RIN3: variants seen among roughly 807,000 people sequenced by gnomAD.
RIN3 encodes the protein Ras and Rab interactor 3, also known as RAB5 interacting protein 3.
A neutral mutation model predicts 76.3 loss-of-function variants in RIN3; 54 were observed. The ratio of observed to expected loss-of-function variants is 0.71; its 90% confidence interval spans 0.57 to 0.89. RIN3 has a LOEUF of 0.89. Ranked by LOEUF, RIN3 falls within the 40% of genes least tolerant of loss-of-function variation. The pLI, the probability that RIN3 is intolerant of heterozygous loss-of-function variation, is 0.00. For missense variants in RIN3, 1,256 were observed against 1,322.1 expected (o/e 0.95, Z 0.78); for synonymous variants, 576 against 564.0 (o/e 1.02, Z -0.30).
At chr14:92,538,463 G>T (rs1897060083) in intron 1 of RIN3, among the ~76,000 whole-genome samples, 1 of 152,162 alleles carries the variant, frequency 6.6e-6, no homozygotes, top group African/African-American at 2.4e-5. Flanking sequence ...GCACACTGTG[G>T]TAGATGGGCC....
At chr14:92,592,969 C>T (rs927747340) in intron 3 of RIN3, among the ~76,000 whole-genome samples, 1 of 151,860 alleles carries the variant, frequency 6.6e-6, no homozygotes, top group African/African-American at 2.4e-5. Context: ...CCACCATACC[C>T]AGCCAAAATT....
chr14:92,517,862 G>A (rs1896484875), intron 1 of RIN3, among the ~76,000 whole-genome samples: 1 of 152,200 alleles, frequency 6.6e-6, no homozygotes, highest in Non-Finnish European at 1.5e-5. Context: ...GGACTCTCAG[G>A]CCAGGCAGGG....
intron 2 of RIN3, among the ~76,000 whole-genome samples, chr14:92,574,857 C>CCTCT (rs1393589840): frequency 6.6e-6 from 1 of 152,078 alleles, no homozygotes; most frequent in African/African-American, 2.4e-5. Flanking sequence ...TCAGGGCCAC[C>CCTCT]CTCTGTAAGC....
In RIN3 at chr14:92,531,679, G is replaced by T. The variant is rs565834301; in HGVS notation, c.44+17703G>T. Among the ~76,000 whole-genome samples, 9 of 152,280 alleles carry T rather than the reference G, an allele frequency of 5.9e-5. No homozygotes were observed. In the South Asian group the frequency reaches 1.9e-3, roughly 32 times the overall value. On this transcript the variant is annotated intron_variant, in intron 1 of 9. Transcript: ENST00000216487. ...GGTGACTCAGTGTCACCAGGGGGTGGGAGCAATGTGACGCTGTGTAGTTTC... is the reference window on the plus strand; with the variant it reads ...GGTGACTCAGTGTCACCAGGGGGTGTGAGCAATGTGACGCTGTGTAGTTTC...
At chr14:92,566,326 C>T (rs1595420944) in intron 2 of RIN3, among the ~76,000 whole-genome samples, 1 of 152,308 alleles carries the variant, frequency 6.6e-6, no homozygotes, top group Middle Eastern at 3.4e-3. Flanking sequence ...CTCATGGTTG[C>T]AAAATGGCAG....
rs1219883480 is a variant in RIN3, at chr14:92,685,008, C to A, written c.2489C>A (p.Thr830Asn). The change falls in exon 9 of 10, where the codon ACC (threonine) becomes AAC (asparagine). Residue 830 changes from threonine to asparagine, a missense_variant. By Grantham distance (65) the Thr-to-Asn change is moderately conservative (BLOSUM62 0). Around this residue, in one of 3 missense-constraint regions of RIN3, gnomAD observed 428 missense variants for 521.2 expected, o/e 0.82. Coordinates refer to ENST00000216487, the MANE Select transcript of RIN3 (RefSeq NM_024832.5). The surrounding 1 kb of genome is among the most constrained non-coding windows in gnomAD (Gnocchi z 4.7). ...LGEGSYYLTTTYGALEHIKSY... is the reference protein window; with the variant it reads ...LGEGSYYLTTNYGALEHIKSY... Reference sequence around the variant, plus strand: ...GCAGGTTCCTACTATCTGACCACCACCTACGGGGCCCTGGAGCACATCAAG... The same window carrying A: ...GCAGGTTCCTACTATCTGACCACCAACTACGGGGCCCTGGAGCACATCAAG... The A allele has an allele frequency of 6.2e-7, 1 of 1,613,608 alleles. No homozygotes were observed. The highest frequency in any genetic ancestry group is 1.7e-5 in the Admixed American group (1 of 60,018).
Position 92,685,403 on chromosome 14 carries a change from G to A in RIN3, c.2631+253G>A. 2.0e-6 allele frequency: 1 copy of A among 504,486 alleles called. No homozygotes were observed. Among genetic ancestry groups the A allele is most frequent in the Non-Finnish European group, 3.6e-6 (1 of 277,372 alleles). 31.3% of individuals were successfully genotyped at this position (504,486 alleles called of 1,614,324 possible). A position where few individuals can be genotyped will look rare whatever the true frequency, so the allele number is the denominator to read the frequency against. ...TCCCTGGGCAAGCAGGAAGGGTGCA[G>A]GAGGAATGAGACACACCCATCATTC... On this transcript the variant is annotated intron_variant, in intron 9 of 9. Coordinates refer to ENST00000216487, the MANE Select transcript of RIN3 (RefSeq NM_024832.5). This position sits in a 1 kb window ranked among gnomAD's most constrained non-coding sequence, Gnocchi z 4.7.
At chr14:92,589,327 A>G (rs746577120) in intron 3 of RIN3, among the ~76,000 whole-genome samples, 6 of 151,564 alleles carry the variant, frequency 4.0e-5, no homozygotes, top group Admixed American at 1.3e-4. Flanking sequence ...GATGTTCCCT[A>G]TCCTTCATTG....
At chr14:92,536,969 T>G (rs868741657) in intron 1 of RIN3, among the ~76,000 whole-genome samples, 75 of 151,824 alleles carry the variant, frequency 4.9e-4, no homozygotes, top group African/African-American at 1.8e-3. Context: ...AAACATAATT[T>G]ATTTCCGAGT....
intron 3 of RIN3, among the ~76,000 whole-genome samples, chr14:92,588,873 A>G (rs1884880799): frequency 6.6e-6 from 1 of 152,240 alleles, no homozygotes; most frequent in African/African-American, 2.4e-5. Context: ...GGCAGTGTGC[A>G]TCTTAGCAGG....
In RIN3 at chr14:92,651,879, C is replaced by A; in HGVS notation, c.830C>A (p.Pro277Gln). The A allele has an allele frequency of 2.5e-6, 4 of 1,602,506 alleles. No individual in the cohort carries two copies. Among genetic ancestry groups the A allele is most frequent in the Non-Finnish European group, 3.4e-6 (4 of 1,174,514 alleles). ...ACCTCACCCACCTCCAGGTGGGCCCCACGCCGCCCACCACCCCCTCCCCCA... is the reference window on the plus strand; with the variant it reads ...ACCTCACCCACCTCCAGGTGGGCCCAACGCCGCCCACCACCCCCTCCCCCA... ...DATSPTSRWA[P>Q]RRPPPPPPVL... The change falls in exon 6 of 10, where the codon CCA becomes CAA. Residue 277 changes from proline to glutamine, a missense_variant. Transcript: ENST00000216487.
chr14:92,600,766 G>A (rs1885316240), intron 3 of RIN3, among the ~76,000 whole-genome samples: 1 of 152,238 alleles, frequency 6.6e-6, no homozygotes, highest in African/African-American at 2.4e-5. Context: ...ACACGGCATT[G>A]TTGGCATTTG....
At chr14:92,672,152 A>G (rs974261318) in intron 7 of RIN3, among the ~76,000 whole-genome samples, 4 of 152,132 alleles carry the variant, frequency 2.6e-5, no homozygotes, top group African/African-American at 7.2e-5. Context: ...ACGCTTGTAA[A>G]TCCAGCACTT....
At chr14:92,538,684 C>T (rs2140013173) in intron 1 of RIN3, among the ~76,000 whole-genome samples, 1 of 152,284 alleles carries the variant, frequency 6.6e-6, no homozygotes, top group African/African-American at 2.4e-5. Context: ...AACAAGAGTG[C>T]AGAGTTCTCT....
At chr14:92,626,328 A>G (rs1030651716) in intron 4 of RIN3, among the ~76,000 whole-genome samples, 11 of 152,184 alleles carry the variant, frequency 7.2e-5, no homozygotes, top group African/African-American at 2.7e-4. Flanking sequence ...TGAGAAGAGG[A>G]TACCCAGGAT....
At chr14:92,545,085 G>A (rs746696228) in intron 1 of RIN3, among the ~76,000 whole-genome samples, 2 of 140,420 alleles carry the variant, frequency 1.4e-5, no homozygotes. Context: ...TTTTTAAAAC[G>A]TTTTCTTTTA....
chr14:92,643,185 C>T lies in RIN3; in HGVS notation c.532+1856C>T, dbSNP rs1279154493. 6.6e-6 allele frequency among the ~76,000 whole-genome samples: 1 copy of T among 152,146 alleles called. No homozygotes were observed. The highest frequency in any genetic ancestry group is 1.5e-5 in the Non-Finnish European group (1 of 68,016). ...TCTTCTGCCTCAGCCTCCCGAGTAGCTGGGACTACAGGCGCATGCCACCAC... is the reference window on the plus strand; with the variant it reads ...TCTTCTGCCTCAGCCTCCCGAGTAGTTGGGACTACAGGCGCATGCCACCAC... On this transcript the variant is annotated intron_variant, in intron 5 of 9. Coordinates refer to ENST00000216487, the MANE Select transcript of RIN3 (RefSeq NM_024832.5). The surrounding 1 kb of genome is among the most constrained non-coding windows in gnomAD (Gnocchi z 4.8).
intron 3 of RIN3, among the ~76,000 whole-genome samples, chr14:92,592,522 T>C (rs2140078564): frequency 6.6e-6 from 1 of 152,044 alleles, no homozygotes; most frequent in East Asian, 1.9e-4. Flanking sequence ...GGTGTAGTGT[T>C]AGCATATAAC....
rs761172106 is a variant in RIN3, at chr14:92,651,845, T to A, written c.796T>A (p.Ser266Thr). Residue 266 changes from serine to threonine, a missense_variant, in exon 6 of 10, where the codon TCT (serine) becomes ACT (threonine). Coordinates refer to ENST00000216487, the MANE Select transcript of RIN3 (RefSeq NM_024832.5). ...NCPARPLPPT[S>T]DATSPTSRWA... ...CCCTGCACGCCCTTTGCCGCCCACC[T>A]CTGATGCCACCTCACCCACCTCCAG... 46 of 1,610,916 alleles carry A rather than the reference T, an allele frequency of 2.9e-5. No individual in the cohort carries two copies. In the Admixed American group the frequency reaches 6.5e-4, roughly 23 times the overall value.
Sources: gnomAD v4.1 joint callset for allele counts (sites outside exome capture counted in the v4.1 genomes callset) on GRCh38, gnomAD v4.1.1 for gene constraint, gnomAD v4.1.1 regional missense constraint, Gnocchi (gnomAD v3.1) non-coding constraint, MANE v1.5 for transcripts, NCBI Gene and HGNC (gene_info 2026-07-23, HGNC 2026-07-21) for gene names.